UCHL5: variants seen among roughly 807,000 people sequenced by gnomAD.
UCHL5 encodes ubiquitin C-terminal hydrolase L5.
Under a neutral mutation model 53.8 loss-of-function variants are expected in UCHL5, and 34 were observed. The ratio of observed to expected loss-of-function variants is 0.63; its 90% CI spans 0.48 to 0.84. UCHL5 has a LOEUF of 0.84. Ranked by LOEUF, UCHL5 falls within the 40% of genes least tolerant of loss-of-function variation. The pLI is 0.00. For missense variants in UCHL5, 290 were observed against 385.6 expected (o/e 0.75, Z 2.08); for synonymous variants, 111 against 126.3 (o/e 0.88, Z 0.81).
chr1:193,054,176 A>C (rs1438443207), intron 1 of UCHL5, among the ~76,000 whole-genome samples: 1 of 152,242 alleles, frequency 6.6e-6, no homozygotes, highest in Non-Finnish European at 1.5e-5. Flanking sequence ...CATCTGTATT[A>C]TACCGATGGG....
chr1:193,053,462 C>A (rs1045378819), intron 1 of UCHL5, among the ~76,000 whole-genome samples: 1 of 152,182 alleles, frequency 6.6e-6, no homozygotes, highest in African/African-American at 2.4e-5. Context: ...AAGGAAAACA[C>A]AGTATTCAAT....
chr1:193,022,157 C>A (rs1409116031), intron 9 of UCHL5, among the ~76,000 whole-genome samples: 1 of 152,046 alleles, frequency 6.6e-6, no homozygotes. Context: ...CTAGAGCCTG[C>A]CTGCCTGCCC....
At chr1:193,022,656 ACT>A (rs1208233190) in intron 9 of UCHL5, among the ~76,000 whole-genome samples, 1 of 140,902 alleles carries the variant, frequency 7.1e-6, no homozygotes, top group Non-Finnish European at 1.5e-5. Flanking sequence ...ACAGAGCGAG[ACT>A]CTGTCCAAAA....
At position 193,038,658 on chromosome 1, in the gene UCHL5, A is replaced by G. The variant is rs1664482794; in HGVS notation, c.247-9001T>C. Among the ~76,000 whole-genome samples the G allele has an allele frequency of 2.6e-5, 4 of 152,178 alleles. No individual in the cohort carries two copies. The South Asian group carries it at 8.3e-4, about 32-fold the overall frequency. Reference sequence around the variant, plus strand: ...CTGACATAATCTTAGAAAAACCTAAAGACCACCAAAAAACTCTTGGAACTG... The same window carrying G: ...CTGACATAATCTTAGAAAAACCTAAGGACCACCAAAAAACTCTTGGAACTG... On this transcript the variant is annotated intron_variant, in intron 3 of 10. Coordinates refer to ENST00000367454, the MANE Select transcript of UCHL5 (RefSeq NM_001199261.3).
upstream of UCHL5, chr1:193,059,753 C>G (rs1302926894): frequency 1.5e-6 from 2 of 1,355,988 alleles, no homozygotes; most frequent in Non-Finnish European, 9.8e-7. This position sits in a 1 kb window ranked among gnomAD's most constrained non-coding sequence, Gnocchi z 4.9. Context: ...GCTGCGGATC[C>G]AGGGGGTCGG....
rs1186847931 is a variant in UCHL5, at chr1:193,051,747, T to C, written c.140+7A>G. 7 of 1,546,588 alleles carry C rather than the reference T, an allele frequency of 4.5e-6. No individual in the cohort carries two copies. Among genetic ancestry groups the C allele is most frequent in the Non-Finnish European group, 6.2e-6 (7 of 1,130,266 alleles). On this transcript the variant is annotated splice_region_variant and intron_variant, in intron 2 of 10. Coordinates refer to ENST00000367454, the MANE Select transcript of UCHL5 (RefSeq NM_001199261.3). ...ATACATATTAACACAACTAAAATTA[T>C]ACTTACTTTAATTTTTCAAAATTCT...
At chr1:193,018,705 C>T (rs1655752233) in intron 10 of UCHL5, 3 of 1,358,864 alleles carry the variant, frequency 2.2e-6, no homozygotes, top group African/African-American at 1.5e-5. Flanking sequence ...CTCAGCTATT[C>T]AAAAATCTCA....
chr1:193,033,464 C>G (rs539801375), intron 3 of UCHL5, among the ~76,000 whole-genome samples: 8 of 151,814 alleles, frequency 5.3e-5, no homozygotes, highest in Non-Finnish European at 1.0e-4. Context: ...GACCATGGCA[C>G]GTGTATACCT....
intron 1 of UCHL5, among the ~76,000 whole-genome samples, chr1:193,055,530 G>C (rs1670354872): frequency 6.6e-6 from 1 of 152,182 alleles, no homozygotes; most frequent in Non-Finnish European, 1.5e-5. Flanking sequence ...TTGTCTGCTA[G>C]CATCTATGAA....
In UCHL5 at chr1:193,029,611, A is replaced by T; in HGVS notation, c.293T>A (p.Leu98Gln). 6.2e-7 allele frequency: 1 copy of T among 1,613,108 alleles called. No individual in the cohort carries two copies. The highest frequency in any genetic ancestry group is 1.1e-5 in the South Asian group (1 of 90,958). ...CATQAIVSVLLNCTHQDVHLG... is the reference protein window; with the variant it reads ...CATQAIVSVLQNCTHQDVHLG... ...ATGGACATCCTGGTGGGTACAGTTC[A>T]GTAACACACTCACTATGGCTTGAGT... Residue 98 changes from leucine to glutamine, a missense_variant, in exon 4 of 11, where the codon CTG (leucine) becomes CAG (glutamine). Leu to Gln is a moderately radical substitution (Grantham distance 113). Coordinates refer to ENST00000367454, the MANE Select transcript of UCHL5 (RefSeq NM_001199261.3).
chr1:193,023,986 T>C (rs376746404), intron 7 of UCHL5, 40 bp from the exon 8 acceptor site: 12 of 1,370,912 alleles, frequency 8.8e-6, no homozygotes, highest in Admixed American at 1.9e-5. Flanking sequence ...TAATAAAGAA[T>C]TGTACAACTA....
chr1:193,059,701 T>C (rs1348054853), upstream of UCHL5: 1 of 1,356,318 alleles, frequency 7.4e-7, no homozygotes, highest in African/African-American at 1.5e-5. This position sits in a 1 kb window ranked among gnomAD's most constrained non-coding sequence, Gnocchi z 4.9. Flanking sequence ...GGCTGCCTTC[T>C]TTTGTCGTTT....
chr1:193,032,231 T>A (rs967110242), intron 3 of UCHL5, among the ~76,000 whole-genome samples: 7 of 152,130 alleles, frequency 4.6e-5, no homozygotes, highest in African/African-American at 1.7e-4. Flanking sequence ...TAGCTTAAAG[T>A]ACTGCCTATA....
intron 9 of UCHL5, 93 bp from the exon 10 acceptor site, chr1:193,021,288 C>CA: frequency 1.4e-6 from 1 of 738,974 alleles, no homozygotes; most frequent in East Asian, 2.7e-5. Flanking sequence ...ATGGTATATC[C>CA]ATTCTCATAA....
intron 1 of UCHL5, among the ~76,000 whole-genome samples, chr1:193,055,245 G>C (rs553829537): frequency 6.6e-5 from 10 of 151,442 alleles, no homozygotes; most frequent in Non-Finnish European, 1.5e-4. Context: ...CCTTTTTTTT[G>C]AGGCAGAGGG....
chr1:193,029,967 G>T (rs997471358), intron 3 of UCHL5, among the ~76,000 whole-genome samples: 3 of 152,102 alleles, frequency 2.0e-5, no homozygotes, highest in African/African-American at 7.2e-5. Flanking sequence ...AACAGAGCTT[G>T]TCCCCCTCTC....
intron 3 of UCHL5, among the ~76,000 whole-genome samples, chr1:193,036,633 C>G (rs1455591096): frequency 6.6e-6 from 1 of 151,960 alleles, no homozygotes; most frequent in Non-Finnish European, 1.5e-5. Context: ...ATAAACCTAA[C>G]TGACATTTAC....
In UCHL5 at chr1:193,016,235, C is replaced by A; in HGVS notation, c.*116G>T. On this transcript the variant is annotated 3_prime_UTR_variant, in exon 11 of 11. Transcript: ENST00000367454. ...ATGCATTAAAGACAAGACAGGCTGG[C>A]ACTATTGCCAAACGTGCACTGAGCC... 1.7e-6 allele frequency: 2 copies of A among 1,143,792 alleles called. No homozygotes were observed. The highest frequency in any genetic ancestry group is 2.5e-6 in the Non-Finnish European group (2 of 795,472). 70.9% of individuals were successfully genotyped at this position (1,143,792 alleles called of 1,614,324 possible).
chr1:193,049,717 A>T, intron 3 of UCHL5, 29 bp downstream of exon 3: 1 of 1,548,972 alleles, frequency 6.5e-7, no homozygotes, highest in Non-Finnish European at 8.8e-7. Context: ...GTTGCTCTTG[A>T]GACTTTTCAG....
Sources: allele counts gnomAD v4.1 joint callset (sites outside exome capture counted in the v4.1 genomes callset), GRCh38; gene constraint gnomAD v4.1.1; non-coding constraint Gnocchi (gnomAD v3.1); transcripts MANE v1.5; gene names NCBI Gene and HGNC (gene_info 2026-07-23, HGNC 2026-07-21).